CLIP2: variants seen among roughly 807,000 people sequenced by gnomAD.
CLIP2 encodes the protein CAP-Gly domain containing linker protein 2, also known as CAP-Gly domain-containing linker protein 2.
Under a neutral mutation model 111.7 loss-of-function variants are expected in CLIP2, and 41 were observed. The ratio of observed to expected loss-of-function variants is 0.37; its 90% confidence interval spans 0.29 to 0.48. CLIP2 has a LOEUF of 0.48. Ranked by LOEUF, CLIP2 falls within the 20% of genes least tolerant of loss-of-function variation. The pLI is 0.99. For synonymous variants in CLIP2, 660 were observed against 644.2 expected (o/e 1.02, Z -0.37); for missense variants, 1,160 against 1,422.1 (o/e 0.82, Z 2.96).
At chr7:74,359,951 T>C (rs1790277486) in intron 6 of CLIP2, among the ~76,000 whole-genome samples, 1 of 152,220 alleles carries the variant, frequency 6.6e-6, no homozygotes, top group Non-Finnish European at 1.5e-5. Flanking sequence ...AGGCAGGTAC[T>C]GAGGGCAGGT....
At chr7:74,316,278 T>C (rs1788772256) in intron 1 of CLIP2, among the ~76,000 whole-genome samples, 1 of 152,144 alleles carries the variant, frequency 6.6e-6, no homozygotes, top group African/African-American at 2.4e-5. Flanking sequence ...AGAGTCTTGC[T>C]CTGTCACCCA....
At chr7:74,324,282 G>T (rs1014998281) in intron 2 of CLIP2, among the ~76,000 whole-genome samples, 1 of 152,112 alleles carries the variant, frequency 6.6e-6, no homozygotes, top group Non-Finnish European at 1.5e-5. Flanking sequence ...GTGAGCCCCC[G>T]TTCCTGGCCA....
chr7:74,297,431 T>C (rs1439228753), intron 1 of CLIP2, among the ~76,000 whole-genome samples: 1 of 151,794 alleles, frequency 6.6e-6, no homozygotes, highest in Non-Finnish European at 1.5e-5. Flanking sequence ...GAGCCATGAT[T>C]GTGCTACCAC....
intron 13 of CLIP2, among the ~76,000 whole-genome samples, chr7:74,392,953 C>T (rs571608356): frequency 6.6e-6 from 1 of 152,256 alleles, no homozygotes; most frequent in Admixed American, 6.5e-5. Flanking sequence ...TGGGCGTGGG[C>T]CCCCTGAGTC....
chr7:74,306,366 A>C (rs1249329927), intron 1 of CLIP2, among the ~76,000 whole-genome samples: 1 of 152,012 alleles, frequency 6.6e-6, no homozygotes, highest in African/African-American at 2.4e-5. Context: ...TGAAGGCTGG[A>C]TGTGACCCAC....
In CLIP2 at chr7:74,338,931, C is replaced by T; in HGVS notation, c.605C>T (p.Ser202Leu). 4 of 1,600,804 alleles carry T rather than the reference C, an allele frequency of 2.5e-6. No individual in the cohort carries two copies. The highest frequency in any genetic ancestry group is 3.4e-6 in the Non-Finnish European group (4 of 1,179,858). ...AGCTCCGTGAAGACTGGCAACGAGT[C>T]GGGATCCAACCTCTCAGACAGCGGC... Reference protein sequence around the residue: ...LNSSVKTGNESGSNLSDSGSV... With the variant: ...LNSSVKTGNELGSNLSDSGSV... The change falls in exon 3 of 17, where the codon TCG becomes TTG. Residue 202 changes from serine (S) to leucine (L), a missense_variant. By Grantham distance (145) the Ser-to-Leu change is moderately radical. Transcript: ENST00000223398. The surrounding 1 kb of genome is among the most constrained non-coding windows in gnomAD (Gnocchi z 4.3).
intron 7 of CLIP2, among the ~76,000 whole-genome samples, chr7:74,361,495 G>A (rs1278242872): frequency 1.3e-5 from 2 of 151,858 alleles, no homozygotes; most frequent in Admixed American, 6.6e-5. Flanking sequence ...GGGATTACAG[G>A]CGTGAGCCAC....
In CLIP2 at chr7:74,345,384, G is replaced by A. The variant is rs117221054; in HGVS notation, c.678+6380G>A. ...CAAGTAGCTAGGATTACAGGCATGC[G>A]CCACCCACCTGGCTAATTTTTGTAT... On this transcript the variant is annotated intron_variant, in intron 3 of 16. Transcript: ENST00000223398. Among the ~76,000 whole-genome samples the A allele has an allele frequency of 1.6e-3, 249 of 151,888 alleles. 6 individuals carry two copies. In the East Asian group the frequency reaches 0.042, roughly 26 times the overall value.
chr7:74,388,159 G>A (rs187633778), intron 12 of CLIP2, among the ~76,000 whole-genome samples: 5 of 152,130 alleles, frequency 3.3e-5, no homozygotes, highest in East Asian at 1.9e-4. Context: ...ATGAAATCCC[G>A]TCTCTACTAA....
intron 1 of CLIP2, among the ~76,000 whole-genome samples, chr7:74,305,635 A>T (rs376270805): frequency 6.6e-6 from 1 of 152,180 alleles, no homozygotes. Context: ...CTGGGATTAC[A>T]GGCATGCGCC....
chr7:74,363,305 C>T (rs1430660726), intron 7 of CLIP2, among the ~76,000 whole-genome samples: 2 of 152,174 alleles, frequency 1.3e-5, no homozygotes, highest in African/African-American at 2.4e-5. Context: ...ACTGGCCCAG[C>T]CTTGAGTTCC....
intron 13 of CLIP2, among the ~76,000 whole-genome samples, chr7:74,393,748 G>C (rs1584390763): frequency 2.6e-5 from 4 of 152,328 alleles, no homozygotes; most frequent in South Asian, 4.1e-4. Context: ...AGTTGCTCTA[G>C]CTACATTTGC....
intron 13 of CLIP2, among the ~76,000 whole-genome samples, chr7:74,394,242 C>CTTTTTTTTT (rs782731877): frequency 8.4e-6 from 1 of 119,734 alleles, no homozygotes; most frequent in Non-Finnish European, 1.8e-5. Flanking sequence ...TCTTTTTCTT[C>CTTTTTTTTT]TTATTTTTTT....
In CLIP2 at chr7:74,356,549, C is replaced by T; in HGVS notation, c.943C>T (p.Pro315Ser). The T allele has an allele frequency of 6.2e-7, 1 of 1,614,220 alleles. No homozygotes were observed. Among genetic ancestry groups the T allele is most frequent in the African/African-American group, 1.3e-5 (1 of 75,062 alleles). The change falls in exon 5 of 17, where the codon CCC becomes TCC. Residue 315 changes from proline to serine, a missense_variant. Physicochemically the swap from Pro to Ser is moderately conservative, Grantham distance 74 (BLOSUM62 -1). Transcript: ENST00000223398. ...AMGVSALTHSPSSSSISSVSS... is the reference protein window; with the variant it reads ...AMGVSALTHSSSSSSISSVSS... ...GGGTGTGTCAGCACTGACCCACAGTCCCAGCAGTTCCTCCATCAGCTCCGT... is the reference window on the plus strand; with the variant it reads ...GGGTGTGTCAGCACTGACCCACAGTTCCAGCAGTTCCTCCATCAGCTCCGT...
chr7:74,339,054 T>A lies in CLIP2; in HGVS notation c.678+50T>A, dbSNP rs529644742. On this transcript the variant is annotated intron_variant, in intron 3 of 16. Coordinates refer to ENST00000223398, the MANE Select transcript of CLIP2 (RefSeq NM_003388.5). The stretch of plus-strand genomic sequence containing the variant: ...TGGGCCCAGCTTCCCTTCCCTCCCC[T>A]GCTCCGCCCCACTTGGCGAAGCTGG... 4.2e-4 allele frequency: 638 copies of A among 1,528,578 alleles called. 4 individuals are homozygous for A. The South Asian group carries it at 6.5e-3, about 16-fold the overall frequency. The allele number at this position is 1,528,578 out of a possible 1,614,324, so 94.7% of individuals were successfully genotyped here. A position where few individuals can be genotyped will look rare whatever the true frequency, so the allele number is the denominator to read the frequency against.
intron 2 of CLIP2, among the ~76,000 whole-genome samples, chr7:74,324,295 A>G (rs539524824): frequency 4.6e-5 from 7 of 152,270 alleles, no homozygotes; most frequent in Non-Finnish European, 8.8e-5. Flanking sequence ...CCTGGCCACA[A>G]GTTGTTTTAA....
Position 74,300,406 on chromosome 7 carries a change from T to C in CLIP2, c.-68+10672T>C, listed in dbSNP as rs535198047. On this transcript the variant is annotated intron_variant, in intron 1 of 16. Coordinates refer to ENST00000223398, the MANE Select transcript of CLIP2 (RefSeq NM_003388.5). ...TGGTATTTGATTTTCCGAGTTGTTT[T>C]CTAGGGATAATGGCTCCCATCCATG... 1.8e-3 allele frequency among the ~76,000 whole-genome samples: 272 copies of C among 152,292 alleles called. 1 individual carries two copies. Among genetic ancestry groups the C allele is most frequent in the African/African-American group, 3.4e-3 (140 of 41,566 alleles).
chr7:74,293,210 G>C (rs1312981299), intron 1 of CLIP2, among the ~76,000 whole-genome samples: 3 of 152,182 alleles, frequency 2.0e-5, no homozygotes, highest in Non-Finnish European at 2.9e-5. Context: ...TAAGTGAAAA[G>C]GGACTTAAGA....
At chr7:74,400,173 C>G (rs1791579756) in intron 14 of CLIP2, among the ~76,000 whole-genome samples, 197 bp from the exon 15 acceptor site, 1 of 141,868 alleles carries the variant, frequency 7.0e-6, no homozygotes, top group Non-Finnish European at 1.5e-5. Context: ...AAAAAAAAGT[C>G]AAGAGGGATG....
Sources: gnomAD v4.1 joint callset for allele counts (sites outside exome capture counted in the v4.1 genomes callset) on GRCh38, gnomAD v4.1.1 for gene constraint, Gnocchi (gnomAD v3.1) non-coding constraint, MANE v1.5 for transcripts, NCBI Gene and HGNC (gene_info 2026-07-23, HGNC 2026-07-21) for gene names.